BCOR: variants seen among roughly 807,000 people sequenced by gnomAD.
BCOR encodes BCL-6 corepressor.
Under a neutral mutation model 86.7 loss-of-function variants are expected in BCOR, and 10 were observed. The observed-to-expected ratio is 0.12, with a 90% CI of 0.07 to 0.20. The LOEUF (loss-of-function observed/expected upper bound fraction) is 0.20. Ranked by LOEUF, BCOR falls within the 10% of genes least tolerant of loss-of-function variation. The pLI, the probability that BCOR is intolerant of heterozygous loss-of-function variation, is 1.00. For synonymous variants in BCOR, 611 were observed against 609.0 expected, an observed-to-expected ratio of 1.00 and a Z score of -0.05; for missense variants, 1,259 against 1,452.1, an observed-to-expected ratio of 0.87 and a Z score of 2.16.
chrX:40,148,168 T>C (rs1349107384), intron 1 of BCOR, among the ~76,000 whole-genome samples: 2 of 111,819 alleles, frequency 1.8e-5, no homozygotes, highest in East Asian at 5.7e-4. Context: ...ACCCTAGCCT[T>C]CCAGCAATCG....
intron 1 of BCOR, among the ~76,000 whole-genome samples, chrX:40,080,405 C>T (rs902004768): frequency 4.5e-5 from 5 of 111,291 alleles, no homozygotes; most frequent in Non-Finnish European, 5.7e-5. Flanking sequence ...CGCACCATTG[C>T]ACTCCAGCCT....
intron 1 of BCOR, among the ~76,000 whole-genome samples, chrX:40,081,786 G>A (rs1936117422): frequency 8.9e-6 from 1 of 112,348 alleles, no homozygotes. Context: ...TGCTGGATAG[G>A]GATGGAGAGG....
chrX:40,074,374 G>C lies in BCOR; in HGVS notation c.972C>G (p.Gly324=). Residue 324 remains glycine, a synonymous_variant, in exon 4 of 15, where the codon GGC becomes GGG. Transcript: ENST00000378444. ...ACAGGAGAGCTGTGTCCCCCGGCAG[G>C]CCACTGGTGACCGCCTTGGCAGAGG... ...RVPSAKAVTS[G]LPGDTALLLP... is the part of the protein sequence containing the mutation. 1.7e-5 allele frequency: 20 copies of C among 1,211,348 alleles called. No homozygotes were observed. The highest frequency in any genetic ancestry group is 2.2e-5 in the Non-Finnish European group (20 of 895,224).
chrX:40,084,895 T>C (rs2147481357), intron 1 of BCOR, among the ~76,000 whole-genome samples: 1 of 112,096 alleles, frequency 8.9e-6, no homozygotes, highest in Non-Finnish European at 1.9e-5. Context: ...CCAGAAAGGC[T>C]GGGATGAGGG....
At chrX:40,104,528 C>G (rs1219453034) in intron 1 of BCOR, among the ~76,000 whole-genome samples, 2 of 111,120 alleles carry the variant, frequency 1.8e-5, no homozygotes, top group Admixed American at 1.9e-4. Flanking sequence ...GGCCCAGTGG[C>G]TAGCCCCAGA....
chrX:40,109,258 C>T (rs1937254331), intron 1 of BCOR, among the ~76,000 whole-genome samples: 1 of 112,092 alleles, frequency 8.9e-6, no homozygotes, highest in African/African-American at 3.2e-5. Context: ...GTCCTCGGCG[C>T]GGGTGCCCCC....
At chrX:40,163,741 G>A (rs1041604732) in intron 1 of BCOR, among the ~76,000 whole-genome samples, 2 of 110,022 alleles carry the variant, frequency 1.8e-5, no homozygotes, top group South Asian at 3.8e-4. Context: ...GTGATGCAGC[G>A]GGCCAGGCAC....
At chrX:40,164,585 C>T (rs776422526) in intron 1 of BCOR, among the ~76,000 whole-genome samples, 6 of 111,681 alleles carry the variant, frequency 5.4e-5, no homozygotes, top group African/African-American at 1.3e-4. Context: ...AGGACCCTAA[C>T]TATTGTCCCC....
chrX:40,065,429 T>C (rs896096490), intron 6 of BCOR, among the ~76,000 whole-genome samples: 3 of 112,569 alleles, frequency 2.7e-5, no homozygotes, highest in Non-Finnish European at 5.6e-5. Context: ...CTGACACTCC[T>C]CTTCACACCC....
intron 1 of BCOR, among the ~76,000 whole-genome samples, chrX:40,093,021 C>G (rs1235087243): frequency 8.9e-6 from 1 of 112,061 alleles, no homozygotes; most frequent in East Asian, 2.8e-4. Flanking sequence ...TCCAAGTGAC[C>G]CTCTTCACAC....
At chrX:40,154,964 G>A (rs1938254897) in intron 1 of BCOR, among the ~76,000 whole-genome samples, 1 of 111,218 alleles carries the variant, frequency 9.0e-6, no homozygotes, top group Non-Finnish European at 1.9e-5. Context: ...GGACACGCGC[G>A]CACACACACA....
intron 1 of BCOR, among the ~76,000 whole-genome samples, chrX:40,109,392 G>A (rs1417028910): frequency 1.8e-4 from 20 of 111,838 alleles, no homozygotes; most frequent in South Asian, 3.7e-4. Context: ...CTTGCGAACA[G>A]GAAATTTCTC....
intron 1 of BCOR, among the ~76,000 whole-genome samples, chrX:40,152,004 CA>C (rs2147989104): frequency 8.9e-6 from 1 of 111,969 alleles, no homozygotes; most frequent in Non-Finnish European, 1.9e-5. Context: ...GGATCTAAGG[CA>C]GCGCTGCGCC....
At chrX:40,064,296 G>T (rs1266558392) in intron 7 of BCOR, 40 bp downstream of exon 7, 1 of 1,209,839 alleles carries the variant, frequency 8.3e-7, no homozygotes, top group Non-Finnish European at 1.1e-6. Flanking sequence ...GCATGCAAAG[G>T]CCCACCCCCC....
chrX:40,095,514 G>A (rs1296725051), intron 1 of BCOR, among the ~76,000 whole-genome samples: 2 of 110,141 alleles, frequency 1.8e-5, no homozygotes, highest in African/African-American at 6.6e-5. Flanking sequence ...CCATTTTAAG[G>A]ATCTTTCTCC....
At chrX:40,067,296 T>C (rs1364587750) in intron 6 of BCOR, among the ~76,000 whole-genome samples, 1 of 111,903 alleles carries the variant, frequency 8.9e-6, no homozygotes, top group African/African-American at 3.3e-5. Context: ...CCATTAGATA[T>C]GGGGAGGTCT....
rs764439977 is a variant in BCOR, at chrX:40,052,078, T to G, written c.*31A>C. 8.7e-7 allele frequency: 1 copy of G among 1,150,287 alleles called. No individual in the cohort carries two copies. The highest frequency in any genetic ancestry group is 1.8e-5 in the African/African-American group (1 of 56,108). 94.8% of individuals were successfully genotyped at this position (1,150,287 alleles called of 1,213,427 possible). Reference sequence around the variant, plus strand: ...CACATATGCACAAGGATTAACACTATAACACACTGTACATGGTGGGTCCAG... The same window carrying G: ...CACATATGCACAAGGATTAACACTAGAACACACTGTACATGGTGGGTCCAG... On this transcript the variant is annotated 3_prime_UTR_variant, in exon 15 of 15. Coordinates refer to ENST00000378444, the MANE Select transcript of BCOR (RefSeq NM_001123385.2).
chrX:40,161,049 C>T (rs1938407750), intron 1 of BCOR, among the ~76,000 whole-genome samples: 1 of 104,900 alleles, frequency 9.5e-6, no homozygotes, highest in Non-Finnish European at 2.0e-5. Flanking sequence ...TTGCCCAGGT[C>T]GAAGTGCAGT....
At chrX:40,163,861 T>C (rs1368814505) in intron 1 of BCOR, among the ~76,000 whole-genome samples, 2 of 110,221 alleles carry the variant, frequency 1.8e-5, no homozygotes, top group Non-Finnish European at 3.8e-5. Flanking sequence ...CCGTCTCTAC[T>C]AAGAATACAA....
Sources: allele counts gnomAD v4.1 joint callset (sites outside exome capture counted in the v4.1 genomes callset), GRCh38; gene constraint gnomAD v4.1.1; transcripts MANE v1.5; gene names NCBI Gene and HGNC (gene_info 2026-07-23, HGNC 2026-07-21).